ERBIN: variants seen among roughly 807,000 people sequenced by gnomAD.
The protein encoded by ERBIN is erbb2 interacting protein.
Under a neutral mutation model 158.4 loss-of-function variants are expected in ERBIN, and 60 were observed. That is an observed-to-expected ratio of 0.38 (90% CI 0.31 to 0.47). The LOEUF (loss-of-function observed/expected upper bound fraction) is 0.47, where lower values mean the gene tolerates loss of function less well. ERBIN is among the 20% of genes least tolerant of loss of function. ERBIN has a pLI of 0.99. For missense variants in ERBIN, 1,610 were observed against 1,648.0 expected, an observed-to-expected ratio of 0.98 and a Z score of 0.40; for synonymous variants, 594 against 557.2, an observed-to-expected ratio of 1.07 and a Z score of -0.93.
chr5:66,062,938 C>T (rs1249581950), intron 21 of ERBIN, among the ~76,000 whole-genome samples: 1 of 152,204 alleles, frequency 6.6e-6, no homozygotes, highest in Non-Finnish European at 1.5e-5. Flanking sequence ...TGTGAGGTGT[C>T]AGTCTGCCCC....
At chr5:66,002,761 A>G (rs1280756120) in intron 4 of ERBIN, among the ~76,000 whole-genome samples, 7 of 152,250 alleles carry the variant, frequency 4.6e-5, no homozygotes, top group Non-Finnish European at 1.0e-4. Flanking sequence ...AAAAGAAGTT[A>G]AATTGATTAA....
At chr5:66,017,023 T>C (rs1754818830) in intron 7 of ERBIN, among the ~76,000 whole-genome samples, 1 of 152,130 alleles carries the variant, frequency 6.6e-6, no homozygotes, top group Non-Finnish European at 1.5e-5. Flanking sequence ...CCCATGTTAC[T>C]GCAGGCAGCC....
At chr5:65,974,698 AG>A (rs1352251981) in intron 1 of ERBIN, among the ~76,000 whole-genome samples, 5 of 152,250 alleles carry the variant, frequency 3.3e-5, no homozygotes. Context: ...AGCAGTCATT[AG>A]AGTACTTAGT....
chr5:66,070,037 A>G (rs1761383974), intron 21 of ERBIN, among the ~76,000 whole-genome samples: 1 of 151,724 alleles, frequency 6.6e-6, no homozygotes, highest in African/African-American at 2.4e-5. Flanking sequence ...TTATTTATTT[A>G]TTCATTTATT....
At chr5:65,990,179 A>G (rs901390837) in intron 2 of ERBIN, among the ~76,000 whole-genome samples, 1 of 152,178 alleles carries the variant, frequency 6.6e-6, no homozygotes, top group Non-Finnish European at 1.5e-5. Context: ...ATTTACTGAT[A>G]TTTGAATTGT....
intron 1 of ERBIN, among the ~76,000 whole-genome samples, chr5:65,965,423 T>TTTTTTTTTTTTTTTTTTA (rs1748486392): frequency 1.3e-5 from 1 of 74,656 alleles, no homozygotes; most frequent in Non-Finnish European, 2.6e-5. Flanking sequence ...TTTTTTTTTT[T>TTTTTTTTTTTTTTTTTTA]GAGACGGAGT....
chr5:66,069,086 T>C (rs1761295907), intron 21 of ERBIN: 1 of 1,369,054 alleles, frequency 7.3e-7, no homozygotes, highest in Non-Finnish European at 9.5e-7. Flanking sequence ...TTTAAGTGTT[T>C]TAATGTTTCC....
intron 1 of ERBIN, among the ~76,000 whole-genome samples, chr5:65,939,407 A>G (rs1744503718): frequency 6.6e-6 from 1 of 152,154 alleles, no homozygotes; most frequent in Non-Finnish European, 1.5e-5. Flanking sequence ...ACTGCATTCC[A>G]GCCTGGGCAA....
chr5:65,966,572 G>A (rs1220088231), intron 1 of ERBIN, among the ~76,000 whole-genome samples: 3 of 148,964 alleles, frequency 2.0e-5, no homozygotes, highest in Non-Finnish European at 4.4e-5. Flanking sequence ...CCCAGCTATT[G>A]GGAAGGCTGA....
chr5:66,006,475 A>AGGCATG (rs1466384255), intron 4 of ERBIN, among the ~76,000 whole-genome samples: 1 of 152,224 alleles, frequency 6.6e-6, no homozygotes, highest in Admixed American at 6.5e-5. Flanking sequence ...TTCAGGACAT[A>AGGCATG]GGCATGGGCA....
At chr5:65,939,518 CTCCCTT>C (rs977201546) in intron 1 of ERBIN, among the ~76,000 whole-genome samples, 11 of 140,294 alleles carry the variant, frequency 7.8e-5, no homozygotes, top group East Asian at 1.9e-4. Flanking sequence ...CCCTCTCCCT[CTCCCTT>C]TCCCTCTCCC....
intron 1 of ERBIN, among the ~76,000 whole-genome samples, chr5:65,940,770 G>T (rs1200065347): frequency 1.3e-5 from 2 of 151,826 alleles, no homozygotes; most frequent in Non-Finnish European, 2.9e-5. Context: ...CCCCTACTGG[G>T]AAGTGAGGAG....
At chr5:65,984,575 C>T (rs777876830) in intron 1 of ERBIN, among the ~76,000 whole-genome samples, 4 of 152,166 alleles carry the variant, frequency 2.6e-5, no homozygotes, top group Non-Finnish European at 4.4e-5. Context: ...AAGAGAGGGC[C>T]GCAGAGGGAA....
chr5:66,001,655 A>T (rs1269221978), intron 4 of ERBIN, among the ~76,000 whole-genome samples: 1 of 152,162 alleles, frequency 6.6e-6, no homozygotes, highest in African/African-American at 2.4e-5. Flanking sequence ...ATTCTAAGGG[A>T]TTTAATATTT....
intron 1 of ERBIN, among the ~76,000 whole-genome samples, chr5:65,928,093 GAA>G (rs747866907): frequency 6.6e-6 from 1 of 152,088 alleles, no homozygotes; most frequent in East Asian, 1.9e-4. Flanking sequence ...AGTTCAAAGA[GAA>G]AAAATAAGTT....
At chr5:66,018,490 T>TA in intron 7 of ERBIN, among the ~76,000 whole-genome samples, 1 of 15,794 alleles carries the variant, frequency 6.3e-5, no homozygotes, top group Non-Finnish European at 1.1e-4. Context: ...TTATATATTA[T>TA]ATTATATAAT....
intron 1 of ERBIN, among the ~76,000 whole-genome samples, chr5:65,932,065 G>C (rs1268402108): frequency 6.6e-6 from 1 of 151,964 alleles, no homozygotes; most frequent in Non-Finnish European, 1.5e-5. Flanking sequence ...TGATCTGCCC[G>C]CCTCGGCCTC....
intron 1 of ERBIN, among the ~76,000 whole-genome samples, chr5:65,929,936 G>A (rs1288316962): frequency 2.6e-5 from 4 of 152,162 alleles, no homozygotes; most frequent in Non-Finnish European, 4.4e-5. Context: ...CACTGAGCCC[G>A]GCCTACTGCT....
chr5:65,993,070 G>A (rs764883385), intron 3 of ERBIN, among the ~76,000 whole-genome samples, 163 bp downstream of exon 3: 1 of 151,976 alleles, frequency 6.6e-6, no homozygotes. Context: ...TTTAAAAGTC[G>A]ATTTTAAAAC....
Sources: gnomAD v4.1 joint callset for allele counts (sites outside exome capture counted in the v4.1 genomes callset) on GRCh38, gnomAD v4.1.1 for gene constraint, MANE v1.5 for transcripts, NCBI Gene and HGNC (gene_info 2026-07-23, HGNC 2026-07-21) for gene names.